Variants in TBCCD1 observed in about 807,000 individuals in gnomAD.
TBCCD1 encodes TBCC domain-containing protein 1.
TBCCD1 carries 26 observed loss-of-function variants against 53.4 expected under a neutral mutation model. The ratio of observed to expected loss-of-function variants is 0.49; its 90% CI spans 0.36 to 0.68. The LOEUF (loss-of-function observed/expected upper bound fraction) is 0.68. TBCCD1 is among the 30% of genes least tolerant of loss of function. The pLI, the probability that TBCCD1 is intolerant of heterozygous loss-of-function variation, is 0.00. For synonymous variants in TBCCD1, 245 were observed against 241.7 expected (o/e 1.01, Z -0.13); for missense variants, 558 against 669.5 (o/e 0.83, Z 1.84).
intron 1 of TBCCD1, among the ~76,000 whole-genome samples, chr3:186,565,417 CT>C (rs1193867523): frequency 2.0e-5 from 3 of 152,040 alleles, no homozygotes; most frequent in African/African-American, 7.2e-5. Context: ...GCCTCTTTGT[CT>C]TTTTTCTACA....
At chr3:186,563,637 GGT>G (rs1386639717) in intron 2 of TBCCD1, among the ~76,000 whole-genome samples, 1 of 152,116 alleles carries the variant, frequency 6.6e-6, no homozygotes, top group Non-Finnish European at 1.5e-5. Flanking sequence ...AGTAAGGTCT[GGT>G]AAGTAAGGAC....
intron 2 of TBCCD1, 107 bp from the exon 3 acceptor site, chr3:186,558,679 A>T: frequency 8.1e-7 from 1 of 1,231,900 alleles, no homozygotes; most frequent in Non-Finnish European, 1.1e-6. Context: ...TCCTAAAAAA[A>T]CCAACTTAGA....
At chr3:186,570,151 T>C (rs1237782925), upstream of TBCCD1, 5 of 702,506 alleles carry the variant, frequency 7.1e-6, no homozygotes, top group Non-Finnish European at 1.3e-5. Flanking sequence ...AGTCGGTCTG[T>C]CATCACTGTA....
At chr3:186,555,460 TC>T (rs1455654081) in intron 4 of TBCCD1, among the ~76,000 whole-genome samples, 1 of 152,192 alleles carries the variant, frequency 6.6e-6, no homozygotes, top group African/African-American at 2.4e-5. Context: ...TACTTTATCA[TC>T]CCAAACGTAA....
chr3:186,551,348 TA>T, intron 6 of TBCCD1, 69 bp from the exon 7 acceptor site: 1 of 1,371,754 alleles, frequency 7.3e-7, no homozygotes, highest in East Asian at 2.5e-5. Context: ...TCTAAGCAAT[TA>T]TACAATATTT....
intron 5 of TBCCD1, 35 bp from the exon 6 acceptor site, chr3:186,554,786 A>C: frequency 6.3e-7 from 1 of 1,593,994 alleles, no homozygotes; most frequent in Non-Finnish European, 8.5e-7. Flanking sequence ...AAGTCCTCTG[A>C]ATAAGATTTT....
rs762879610 is a variant in TBCCD1, at chr3:186,556,399, T to TA, written c.859+9dup. 3.8e-6 allele frequency: 6 copies of TA among 1,576,490 alleles called. No individual in the cohort carries two copies. The highest frequency in any genetic ancestry group is 4.3e-5 in the Admixed American group (2 of 46,120). ...TTCAATTTAATGTAGATTAAAATAT[T>TA]AAAAAATACCTTGATGAGCCCAAGC... On this transcript the variant is annotated intron_variant, in intron 4 of 7. Transcript: ENST00000338733.
In TBCCD1 at chr3:186,554,946, T is replaced by C. The variant is rs1714490875; in HGVS notation, c.998A>G (p.Lys333Arg). ...AAAAGATTCGTTGCAACGATGAATCTTTACATGTGCCCCCGCCAGAGTGTC... is the reference window on the plus strand; with the variant it reads ...AAAAGATTCGTTGCAACGATGAATCCTTACATGTGCCCCCGCCAGAGTGTC... The part of the protein sequence containing the change: ...SSDTLAGAHV[K>R]IHRCNESFIY... The change falls in exon 5 of 8, where the codon AAG (lysine) becomes AGG (arginine). Residue 333 changes from lysine (K) to arginine (R), a missense_variant. Lys to Arg is a conservative substitution (Grantham distance 26). Transcript: ENST00000338733. The C allele has an allele frequency of 2.5e-6, 4 of 1,613,742 alleles. No homozygotes were observed. In the African/African-American group the frequency reaches 4.0e-5, roughly 16 times the overall value.
intron 2 of TBCCD1, 25 bp downstream of exon 2, chr3:186,563,967 TAA>T: frequency 1.3e-6 from 2 of 1,517,262 alleles, no homozygotes; most frequent in Non-Finnish European, 1.8e-6. Context: ...CAAAAGTAAT[TAA>T]GTATACACAC....
chr3:186,549,354 T>C (rs1031232485), intron 7 of TBCCD1, among the ~76,000 whole-genome samples: 4 of 151,868 alleles, frequency 2.6e-5, no homozygotes, highest in African/African-American at 9.7e-5. Flanking sequence ...ATCTGTAAGA[T>C]AAATTCTATT....
upstream of TBCCD1, among the ~76,000 whole-genome samples, chr3:186,569,313 T>TTTAA (rs1227144089): frequency 7.1e-6 from 1 of 141,276 alleles, no homozygotes; most frequent in African/African-American, 2.5e-5. Flanking sequence ...TTATTTTTTA[T>TTTAA]TTATTTATTT....
intron 7 of TBCCD1, among the ~76,000 whole-genome samples, chr3:186,550,691 T>C (rs1017661691): frequency 6.6e-6 from 1 of 152,250 alleles, no homozygotes; most frequent in Non-Finnish European, 1.5e-5. Flanking sequence ...TAGTGTTCAG[T>C]AATCAAATCT....
At chr3:186,557,133 C>T (rs554606798) in intron 3 of TBCCD1, among the ~76,000 whole-genome samples, 1 of 152,190 alleles carries the variant, frequency 6.6e-6, no homozygotes, top group East Asian at 1.9e-4. Flanking sequence ...CAAGTGTCCA[C>T]CCCGGTCCAA....
intron 2 of TBCCD1, among the ~76,000 whole-genome samples, chr3:186,559,404 G>T (rs1190565636): frequency 6.6e-6 from 1 of 152,122 alleles, no homozygotes; most frequent in Non-Finnish European, 1.5e-5. Context: ...ATTCTTAAAG[G>T]GGTGTTTCAC....
intron 1 of TBCCD1, among the ~76,000 whole-genome samples, 157 bp downstream of exon 1, chr3:186,567,110 C>A (rs1714855438): frequency 6.6e-6 from 1 of 152,240 alleles, no homozygotes; most frequent in Non-Finnish European, 1.5e-5. Context: ...GTGGGCCGCC[C>A]CAGCGTCGCG....
At chr3:186,565,283 G>C (rs1714796895) in intron 1 of TBCCD1, among the ~76,000 whole-genome samples, 2 of 151,824 alleles carry the variant, frequency 1.3e-5, no homozygotes, top group Non-Finnish European at 2.9e-5. Flanking sequence ...GCTAATTTTT[G>C]TATTTTTAGT....
chr3:186,565,109 C>CTTTTTTTTT (rs370017010), intron 1 of TBCCD1, among the ~76,000 whole-genome samples: 7 of 124,752 alleles, frequency 5.6e-5, no homozygotes, highest in Non-Finnish European at 8.3e-5. Flanking sequence ...TCTTCTTCTT[C>CTTTTTTTTT]TTTTTTTTTT....
upstream of TBCCD1, among the ~76,000 whole-genome samples, chr3:186,569,567 T>A (rs1158574442): frequency 6.6e-6 from 1 of 151,560 alleles, no homozygotes; most frequent in Non-Finnish European, 1.5e-5. Context: ...GCTCCGCCCG[T>A]CTCGGCCTCG....
rs1714758699 is a variant in TBCCD1, at chr3:186,564,116, C to T, written c.214G>A (p.Ala72Thr). ...CGKLQLAKDLAWLYFEIFDSL... is the reference protein window; with the variant it reads ...CGKLQLAKDLTWLYFEIFDSL... ...TCAAATATTTCGAAGTAAAGCCACG[C>T]CAGGTCCTTGGCCAACTGCAGCTTC... Residue 72 changes from alanine (A) to threonine (T), a missense_variant, in exon 2 of 8, where the codon GCG becomes ACG. By Grantham distance (58) the Ala-to-Thr change is moderately conservative. Coordinates refer to ENST00000338733, the MANE Select transcript of TBCCD1 (RefSeq NM_018138.5). 1 of 1,614,074 alleles carries T rather than the reference C, an allele frequency of 6.2e-7. No individual in the cohort carries two copies. The highest frequency in any genetic ancestry group is 8.5e-7 in the Non-Finnish European group (1 of 1,180,044).
Sources: allele counts gnomAD v4.1 joint callset (sites outside exome capture counted in the v4.1 genomes callset), GRCh38; gene constraint gnomAD v4.1.1; transcripts MANE v1.5; gene names NCBI Gene and HGNC (gene_info 2026-07-23, HGNC 2026-07-21).